The following STAG1 variants were observed in gnomAD, a reference collection of about 807,000 sequenced individuals.
STAG1 encodes the protein STAG1 cohesin complex component.
STAG1 carries 26 observed loss-of-function variants against 170.9 expected under a neutral mutation model. The ratio of observed to expected loss-of-function variants is 0.15; its 90% CI spans 0.11 to 0.21. The LOEUF is 0.21. Ranked by LOEUF, STAG1 falls within the 10% of genes least tolerant of loss-of-function variation. The pLI, the probability that STAG1 is intolerant of heterozygous loss-of-function variation, is 1.00. For synonymous variants in STAG1, 514 were observed against 497.7 expected, an observed-to-expected ratio of 1.03 and a Z score of -0.44; for missense variants, 964 against 1,509.5, an observed-to-expected ratio of 0.64 and a Z score of 5.99.
At chr3:136,576,185 CTA>C (rs1937449084) in intron 4 of STAG1, among the ~76,000 whole-genome samples, 2 of 152,270 alleles carry the variant, frequency 1.3e-5, no homozygotes, top group South Asian at 2.1e-4. Context: ...TGAGCTGAAT[CTA>C]TGTTAGCACT....
At chr3:136,743,819 G>A (rs779273770) in intron 1 of STAG1, among the ~76,000 whole-genome samples, 9 of 151,992 alleles carry the variant, frequency 5.9e-5, no homozygotes, top group Non-Finnish European at 1.3e-4. Context: ...GAAGAAATAG[G>A]CCAAAAATCC....
intron 5 of STAG1, among the ~76,000 whole-genome samples, chr3:136,546,404 C>G (rs1171154253): frequency 1.3e-5 from 2 of 151,920 alleles, no homozygotes; most frequent in East Asian, 3.9e-4. Flanking sequence ...AGAGAAAGTC[C>G]CAAAATTTTC....
intron 5 of STAG1, among the ~76,000 whole-genome samples, chr3:136,550,225 T>C (rs981034626): frequency 6.6e-6 from 1 of 152,178 alleles, no homozygotes; most frequent in African/African-American, 2.4e-5. Context: ...CTTTAAATGT[T>C]TGGCGAAAGT....
At chr3:136,641,069 T>C (rs921129762) in intron 1 of STAG1, among the ~76,000 whole-genome samples, 1 of 152,238 alleles carries the variant, frequency 6.6e-6, no homozygotes, top group African/African-American at 2.4e-5. Context: ...CATATAAATA[T>C]GAAACTGTAA....
At chr3:136,716,974 TAAC>T (rs1236426047) in intron 1 of STAG1, among the ~76,000 whole-genome samples, 8 of 152,366 alleles carry the variant, frequency 5.3e-5, no homozygotes, top group South Asian at 2.1e-4. Context: ...TTTGGAATGA[TAAC>T]AACAACATAT....
At chr3:136,637,053 C>T (rs1940591759) in intron 1 of STAG1, among the ~76,000 whole-genome samples, 1 of 152,180 alleles carries the variant, frequency 6.6e-6, no homozygotes, top group Non-Finnish European at 1.5e-5. Flanking sequence ...TGTGCAAACT[C>T]CGCACAATGG....
chr3:136,372,390 A>G (rs1937391366), intron 23 of STAG1, among the ~76,000 whole-genome samples: 1 of 152,160 alleles, frequency 6.6e-6, no homozygotes, highest in Non-Finnish European at 1.5e-5. Context: ...ACTATACTGA[A>G]TAGGAGTGGT....
At chr3:136,341,365 G>T in intron 31 of STAG1, 76 bp downstream of exon 31, 1 of 993,864 alleles carries the variant, frequency 1.0e-6, no homozygotes, top group Non-Finnish European at 1.6e-6. Flanking sequence ...AAACATCAAA[G>T]AAACCCAAGT....
At chr3:136,468,841 T>A (rs1559822297) in intron 12 of STAG1, among the ~76,000 whole-genome samples, 1 of 151,680 alleles carries the variant, frequency 6.6e-6, no homozygotes, top group Non-Finnish European at 1.5e-5. Context: ...TATACACAAA[T>A]CAATAAATGT....
At chr3:136,357,920 A>G (rs914728444) in intron 27 of STAG1, 72 bp from the exon 28 acceptor site, 2 of 1,297,170 alleles carry the variant, frequency 1.5e-6, no homozygotes, top group Middle Eastern at 1.9e-4. Context: ...CATTACACAA[A>G]TATTTGTGAA....
intron 24 of STAG1, among the ~76,000 whole-genome samples, chr3:136,368,294 A>G (rs1264035918): frequency 6.6e-6 from 1 of 152,166 alleles, no homozygotes; most frequent in East Asian, 1.9e-4. Flanking sequence ...TTCACAAATA[A>G]TGTATTCTAA....
chr3:136,364,370 A>G (rs1019407885), intron 25 of STAG1, among the ~76,000 whole-genome samples: 26 of 152,356 alleles, frequency 1.7e-4, no homozygotes, highest in African/African-American at 6.0e-4. Flanking sequence ...GGCGTGAGCC[A>G]CTGTGCCTGG....
intron 4 of STAG1, among the ~76,000 whole-genome samples, chr3:136,589,885 C>T (rs1421334655): frequency 6.6e-6 from 1 of 151,190 alleles, no homozygotes; most frequent in African/African-American, 2.4e-5. Flanking sequence ...GAACCGAGAT[C>T]GAGCCACTGC....
chr3:136,355,673 T>A (rs983984447), intron 28 of STAG1, among the ~76,000 whole-genome samples: 10 of 152,188 alleles, frequency 6.6e-5, no homozygotes, highest in Non-Finnish European at 1.3e-4. Flanking sequence ...TAAGACCGTA[T>A]GTTGGTCCAT....
intron 1 of STAG1, among the ~76,000 whole-genome samples, chr3:136,678,994 C>CAAAAAAAAAAAAAAAAAAAAAAAT (rs1362373999): frequency 1.4e-5 from 1 of 72,962 alleles, no homozygotes; most frequent in African/African-American, 6.4e-5. Flanking sequence ...AAAAATACTT[C>CAAAAAAAAAAAAAAAAAAAAAAAT]ACAAAAAAAA....
chr3:136,535,758 T>TA (rs1278501872), intron 6 of STAG1, among the ~76,000 whole-genome samples: 2 of 152,162 alleles, frequency 1.3e-5, no homozygotes. Context: ...AGGTAAGAGA[T>TA]ACCCCAAATA....
chr3:136,584,171 CT>C (rs1937690774), intron 4 of STAG1, among the ~76,000 whole-genome samples: 1 of 152,198 alleles, frequency 6.6e-6, no homozygotes, highest in Non-Finnish European at 1.5e-5. Flanking sequence ...CCATACTGGT[CT>C]TGGTTTCTTT....
chr3:136,587,350 G>A (rs1185091345), intron 4 of STAG1, among the ~76,000 whole-genome samples: 1 of 152,010 alleles, frequency 6.6e-6, no homozygotes, highest in Admixed American at 6.6e-5. Context: ...GACTAGTCTG[G>A]CCATCATGGT....
chr3:136,506,361 G>A (rs1298344451), intron 7 of STAG1, among the ~76,000 whole-genome samples: 1 of 151,762 alleles, frequency 6.6e-6, no homozygotes, highest in African/African-American at 2.4e-5. Context: ...CCAGGCGAGG[G>A]GGCTCACGCC....
Sources: allele counts gnomAD v4.1 joint callset (sites outside exome capture counted in the v4.1 genomes callset), GRCh38; gene constraint gnomAD v4.1.1; transcripts MANE v1.5; gene names NCBI Gene and HGNC (gene_info 2026-07-23, HGNC 2026-07-21).